Variants in TANC1 observed in about 807,000 individuals in gnomAD.
TANC1 encodes protein TANC1.
In TANC1, 77 loss-of-function variants were observed where a neutral mutation model predicts 149.7. The observed-to-expected ratio is 0.51, with a 90% CI of 0.43 to 0.62. The LOEUF is 0.62. Ranked by LOEUF, TANC1 falls within the 20% of genes least tolerant of loss-of-function variation. The probability of loss-of-function intolerance (pLI) is 0.00; values close to 1 mark genes in which losing one functional copy is unlikely to be tolerated. For missense variants in TANC1, 1,985 were observed against 2,321.8 expected, an observed-to-expected ratio of 0.85 and a Z score of 2.98; for synonymous variants, 854 against 925.0, an observed-to-expected ratio of 0.92 and a Z score of 1.39.
At chr2:159,225,963 C>G in intron 24 of TANC1, 184 bp downstream of exon 24, 1 of 630,022 alleles carries the variant, frequency 1.6e-6, no homozygotes, top group Non-Finnish European at 2.8e-6. Context: ...GGGCAGATCA[C>G]TTGAGGCCAG....
intron 14 of TANC1, among the ~76,000 whole-genome samples, chr2:159,181,525 C>G (rs1421343061): frequency 6.6e-6 from 1 of 152,200 alleles, no homozygotes; most frequent in Non-Finnish European, 1.5e-5. Context: ...TCTCAATCTC[C>G]TGACCTCGTG....
intron 1 of TANC1, among the ~76,000 whole-genome samples, chr2:158,985,959 T>G (rs2034959448): frequency 6.6e-6 from 1 of 152,218 alleles, no homozygotes; most frequent in Admixed American, 6.5e-5. Context: ...CCCCTTTGAT[T>G]GGTTGTCGTG....
At chr2:159,097,970 CTTTTT>C in intron 4 of TANC1, 136 bp downstream of exon 4, 1 of 573,430 alleles carries the variant, frequency 1.7e-6, no homozygotes. Context: ...AGAAATAAAT[CTTTTT>C]TTTTTTTTAA....
chr2:159,230,864 A>C lies in TANC1; in HGVS notation c.5438A>C (p.His1813Pro). Residue 1813 changes from histidine (H) to proline (P), a missense_variant, in exon 27 of 27, where the codon CAC becomes CCC. Transcript: ENST00000263635. The surrounding 1 kb of genome is among the most constrained non-coding windows in gnomAD (Gnocchi z 4.4). ...GAAAGCAAGTGCCAAATTCCAGTCC[A>C]CTCTCAAGAGAACAGGATAACTAAG... is the stretch of plus-strand genomic sequence containing the variant. The part of the protein sequence containing the change: ...LEESKCQIPV[H>P]SQENRITKTV... 1 of 1,614,144 alleles carries C rather than the reference A, an allele frequency of 6.2e-7. No homozygotes were observed. Among genetic ancestry groups the C allele is most frequent in the Non-Finnish European group, 8.5e-7 (1 of 1,180,026 alleles).
rs576927359 is a variant in TANC1 at position 159,162,248 on chromosome 2, G to A, written c.683-1035G>A. 2.0e-5 allele frequency among the ~76,000 whole-genome samples: 3 copies of A among 152,354 alleles called. No individual in the cohort carries two copies. In the South Asian group the frequency reaches 6.2e-4, roughly 32 times the overall value. ...ATCATCTTGGTGTGTGGCTAAAGCA[G>A]CCTGATCCAGGAGCTGGGTTCTGAA... is the stretch of plus-strand genomic sequence containing the variant. On this transcript the variant is annotated intron_variant, in intron 7 of 26. Coordinates refer to ENST00000263635, the MANE Select transcript of TANC1 (RefSeq NM_033394.3).
chr2:159,042,739 G>T (rs1037515854), intron 2 of TANC1, among the ~76,000 whole-genome samples: 4 of 151,992 alleles, frequency 2.6e-5, no homozygotes, highest in Admixed American at 6.6e-5. Context: ...AGAGAGAGGG[G>T]GTTTCAGGTT....
chr2:158,981,868 G>T (rs887430398), intron 1 of TANC1, among the ~76,000 whole-genome samples: 1 of 151,794 alleles, frequency 6.6e-6, no homozygotes, highest in Non-Finnish European at 1.5e-5. Flanking sequence ...ATTTTTAACA[G>T]AATATTTTCA....
chr2:159,022,866 A>C (rs1281951148), intron 2 of TANC1, among the ~76,000 whole-genome samples: 2 of 152,168 alleles, frequency 1.3e-5, no homozygotes, highest in African/African-American at 2.4e-5. Flanking sequence ...ATCTCTTGGC[A>C]GGACAACAAC....
At chr2:159,122,581 G>A (rs553905988) in intron 4 of TANC1, among the ~76,000 whole-genome samples, 1 of 152,036 alleles carries the variant, frequency 6.6e-6, no homozygotes, top group African/African-American at 2.4e-5. Flanking sequence ...CCCTCATGCT[G>A]CTCCTTTGTA....
intron 3 of TANC1, among the ~76,000 whole-genome samples, chr2:159,082,039 G>T (rs760175508): frequency 6.6e-6 from 1 of 152,188 alleles, no homozygotes; most frequent in Admixed American, 6.5e-5. Flanking sequence ...GCCCAGCCCT[G>T]CCCTGCCCAG....
Position 159,187,237 on chromosome 2 carries a change from C to T in TANC1, c.2742+213C>T, listed in dbSNP as rs182279761. 2.6e-3 allele frequency among the ~76,000 whole-genome samples: 395 copies of T among 152,308 alleles called. 5 individuals are homozygous for T. The highest frequency in any genetic ancestry group is 0.021 in the Admixed American group (325 of 15,298). On this transcript the variant is annotated intron_variant, in intron 16 of 26. Coordinates refer to ENST00000263635, the MANE Select transcript of TANC1 (RefSeq NM_033394.3). The stretch of plus-strand genomic sequence containing the variant: ...TCTTTGGCAGGAAGATGTGGGTGGT[C>T]AGGGCTGCTCTGAGCACATGTGGTG...
At chr2:159,097,597 G>A (rs1559253346) in intron 3 of TANC1, 40 bp from the exon 4 acceptor site, 1 of 1,484,082 alleles carries the variant, frequency 6.7e-7, no homozygotes, top group East Asian at 2.3e-5. Context: ...AACTTATAAT[G>A]AATGGATGGT....
At chr2:159,133,423 C>T (rs879496097) in intron 4 of TANC1, among the ~76,000 whole-genome samples, 7 of 151,352 alleles carry the variant, frequency 4.6e-5, no homozygotes, top group Non-Finnish European at 7.4e-5. Flanking sequence ...GGTGCAATCA[C>T]GGCTTACTGT....
intron 4 of TANC1, among the ~76,000 whole-genome samples, chr2:159,117,046 G>A (rs775969783): frequency 6.6e-6 from 1 of 152,172 alleles, no homozygotes; most frequent in Non-Finnish European, 1.5e-5. Context: ...CTCACACTCT[G>A]CCTTTCCACC....
chr2:159,158,037 G>C (rs1378640320), intron 7 of TANC1, among the ~76,000 whole-genome samples: 2 of 152,150 alleles, frequency 1.3e-5, no homozygotes, highest in Non-Finnish European at 2.9e-5. Flanking sequence ...GCCAAGTCTT[G>C]TCTTAATAGT....
intron 8 of TANC1, among the ~76,000 whole-genome samples, chr2:159,167,255 C>T (rs1329727403): frequency 6.6e-6 from 1 of 152,118 alleles, no homozygotes; most frequent in Non-Finnish European, 1.5e-5. Flanking sequence ...GGCTGCCTGC[C>T]CCTTCTACCT....
intron 9 of TANC1, among the ~76,000 whole-genome samples, chr2:159,169,718 C>T (rs866468252): frequency 3.3e-5 from 5 of 152,136 alleles, no homozygotes; most frequent in African/African-American, 4.8e-5. Flanking sequence ...CTAGGCCAGG[C>T]GCGGTGGCTC....
chr2:159,140,529 T>A (rs534092962), intron 5 of TANC1, among the ~76,000 whole-genome samples: 1 of 152,254 alleles, frequency 6.6e-6, no homozygotes, highest in East Asian at 1.9e-4. Flanking sequence ...TAAATGCTAT[T>A]TGAGATGGGT....
intron 3 of TANC1, among the ~76,000 whole-genome samples, chr2:159,091,709 G>C (rs1274907893): frequency 2.0e-5 from 3 of 152,172 alleles, no homozygotes; most frequent in Non-Finnish European, 4.4e-5. Context: ...TGTTGGCTAG[G>C]TTTCTTGTAC....
Sources: gnomAD v4.1 joint callset for allele counts (sites outside exome capture counted in the v4.1 genomes callset) on GRCh38, gnomAD v4.1.1 for gene constraint, Gnocchi (gnomAD v3.1) non-coding constraint, MANE v1.5 for transcripts, NCBI Gene and HGNC (gene_info 2026-07-23, HGNC 2026-07-21) for gene names.